Variants in TBC1D9 observed in about 807,000 individuals in gnomAD.
The protein encoded by TBC1D9 is TBC1 domain family member 9A.
A neutral mutation model predicts 132.0 loss-of-function variants in TBC1D9; 63 were observed. The observed-to-expected ratio is 0.48, with a 90% confidence interval of 0.39 to 0.59. The LOEUF (loss-of-function observed/expected upper bound fraction) is 0.59. Among genes scored for constraint, TBC1D9 ranks in the 20% least tolerant of loss-of-function variants. TBC1D9 has a pLI of 0.00. For synonymous variants in TBC1D9, 610 were observed against 609.9 expected (o/e 1.00, Z 0.00); for missense variants, 1,261 against 1,592.7 (o/e 0.79, Z 3.54).
intron 1 of TBC1D9, among the ~76,000 whole-genome samples, chr4:140,717,460 C>A (rs1043210092): frequency 6.6e-6 from 1 of 152,178 alleles, no homozygotes; most frequent in East Asian, 1.9e-4. Context: ...GGCTAATTCA[C>A]CATGCATAAT....
rs915590380 is a variant in TBC1D9, at chr4:140,699,266, T to C, written c.241+2238A>G. 6.0e-4 allele frequency among the ~76,000 whole-genome samples: 92 copies of C among 152,156 alleles called. 1 individual carries two copies. Among genetic ancestry groups the C allele is most frequent in the Non-Finnish European group, 1.9e-4 (13 of 68,030 alleles). On this transcript the variant is annotated intron_variant, in intron 2 of 20. Transcript: ENST00000442267. ...ATTTACTGTGCAAGAGAATTCTCCA[T>C]AAATTATGTCAATAGTCTACCCTAA...
At chr4:140,728,616 C>T (rs370433519) in intron 1 of TBC1D9, among the ~76,000 whole-genome samples, 4 of 151,892 alleles carry the variant, frequency 2.6e-5, no homozygotes, top group Non-Finnish European at 1.5e-5. Flanking sequence ...GCCTCAGCCT[C>T]GCGAGTAGCT....
At chr4:140,641,339 C>G (rs140283955) in intron 13 of TBC1D9, among the ~76,000 whole-genome samples, 1 of 152,132 alleles carries the variant, frequency 6.6e-6, no homozygotes, top group Admixed American at 6.5e-5. Flanking sequence ...AAAAAGAGTG[C>G]CTTTGTGAGC....
intron 2 of TBC1D9, among the ~76,000 whole-genome samples, chr4:140,700,252 C>G (rs1738044229): frequency 6.6e-6 from 1 of 151,916 alleles, no homozygotes; most frequent in Non-Finnish European, 1.5e-5. Context: ...GAGTTCAAGA[C>G]CAGCCTGACC....
rs11932282 is a variant in TBC1D9, at chr4:140,669,160, C to T, written c.1438-93G>A. On this transcript the variant is annotated intron_variant, in intron 8 of 20. Coordinates refer to ENST00000442267, the MANE Select transcript of TBC1D9 (RefSeq NM_015130.3). ...AGGTCAGAACATGTTCCCTGCTGAA[C>T]GGAGTGACAATTCCAGAAAGAAGTC... 3.3e-3 allele frequency: 4,171 copies of T among 1,257,868 alleles called. 108 individuals carry two copies. The African/African-American group carries it at 0.055, about 16-fold the overall frequency. 77.9% of individuals were successfully genotyped at this position (1,257,868 alleles called of 1,614,324 possible).
intron 18 of TBC1D9, among the ~76,000 whole-genome samples, chr4:140,625,433 C>T (rs1736690588): frequency 6.6e-6 from 1 of 152,150 alleles, no homozygotes; most frequent in African/African-American, 2.4e-5. Flanking sequence ...GTACAATGCC[C>T]TCAGTTTCCC....
chr4:140,622,556 G>A lies in TBC1D9; in HGVS notation c.3440C>T (p.Ser1147Phe). Residue 1147 changes from serine to phenylalanine, a missense_variant, in exon 21 of 21, where the codon TCC (serine) becomes TTC (phenylalanine). Physicochemically the swap from Ser to Phe is radical, Grantham distance 155 (BLOSUM62 -2). Transcript: ENST00000442267. ...DSSPRDNGAC[S>F]SMLISDDDTK... The stretch of plus-strand genomic sequence containing the variant: ...GTCGTCGTCAGAGATCAGCATGGAG[G>A]AGCAGGCCCCGTTGTCCCGGGGCGA... 6.2e-7 allele frequency: 1 copy of A among 1,614,064 alleles called. No homozygotes were observed. Among genetic ancestry groups the A allele is most frequent in the Non-Finnish European group, 8.5e-7 (1 of 1,179,910 alleles).
chr4:140,752,959 T>C (rs1013355130), intron 1 of TBC1D9, among the ~76,000 whole-genome samples: 1 of 152,186 alleles, frequency 6.6e-6, no homozygotes, highest in African/African-American at 2.4e-5. Context: ...ATGCATATTA[T>C]GTAAAGGTCC....
chr4:140,627,680 T>C (rs1442787961), intron 17 of TBC1D9, among the ~76,000 whole-genome samples, 153 bp from the exon 18 acceptor site: 1 of 152,158 alleles, frequency 6.6e-6, no homozygotes, highest in Non-Finnish European at 1.5e-5. Context: ...CTCTAAACCT[T>C]AGTGGAGGAG....
chr4:140,671,319 C>A (rs1056456185), intron 6 of TBC1D9, among the ~76,000 whole-genome samples: 3 of 152,142 alleles, frequency 2.0e-5, no homozygotes, highest in Non-Finnish European at 4.4e-5. Flanking sequence ...CCCTGCCATC[C>A]CACTCCACCA....
intron 9 of TBC1D9, among the ~76,000 whole-genome samples, chr4:140,668,503 C>T (rs1737482085): frequency 6.6e-6 from 1 of 152,132 alleles, no homozygotes; most frequent in East Asian, 1.9e-4. Flanking sequence ...TTATTTCTTT[C>T]CTCCCAATTC....
chr4:140,735,656 A>C (rs907608969), intron 1 of TBC1D9, among the ~76,000 whole-genome samples: 2 of 152,210 alleles, frequency 1.3e-5, no homozygotes, highest in Non-Finnish European at 2.9e-5. Flanking sequence ...GGCTGCAGTG[A>C]GCTATAATTG....
At chr4:140,720,848 T>C (rs1000799449) in intron 1 of TBC1D9, among the ~76,000 whole-genome samples, 5 of 152,238 alleles carry the variant, frequency 3.3e-5, no homozygotes, top group Non-Finnish European at 5.9e-5. Flanking sequence ...TTTCTGTTTG[T>C]TCTCTGGAAG....
At chr4:140,751,768 T>G (rs1227664911) in intron 1 of TBC1D9, among the ~76,000 whole-genome samples, 1 of 152,096 alleles carries the variant, frequency 6.6e-6, no homozygotes, top group Non-Finnish European at 1.5e-5. Context: ...GGTTGAAAAA[T>G]GGACAAGAGA....
rs575643144 is a variant in TBC1D9 at position 140,691,632 on chromosome 4, G to A, written c.242-5170C>T. 2.6e-5 allele frequency among the ~76,000 whole-genome samples: 4 copies of A among 152,340 alleles called. No homozygotes were observed. The East Asian group carries it at 7.7e-4, about 29-fold the overall frequency. ...AACAAAGAACCCTGATGTTGGGTAT[G>A]AGAATCCTTCAGGAAATGCAAGTTA... On this transcript the variant is annotated intron_variant, in intron 2 of 20. Coordinates refer to ENST00000442267, the MANE Select transcript of TBC1D9 (RefSeq NM_015130.3).
At position 140,686,475 on chromosome 4, in the gene TBC1D9, A is replaced by AAAT. The variant is rs1560885527; in HGVS notation, c.242-16_242-14dup. 1 of 1,485,690 alleles carries AAAT rather than the reference A, an allele frequency of 6.7e-7. No homozygotes were observed. Among genetic ancestry groups the AAAT allele is most frequent in the Admixed American group, 1.8e-5 (1 of 55,620 alleles). The allele number at this position is 1,485,690 out of a possible 1,614,324, so 92.0% of individuals were successfully genotyped here. ...TTCCTGGAACCACCTGTACAAATGA[A>AAAT]AATAATAATTCATGTCAGATTTCAT... On this transcript the variant is annotated splice_polypyrimidine_tract_variant and intron_variant, in intron 2 of 20. Coordinates refer to ENST00000442267, the MANE Select transcript of TBC1D9 (RefSeq NM_015130.3).
At position 140,639,381 on chromosome 4, in the gene TBC1D9, T is replaced by C; in HGVS notation, c.2385A>G (p.Lys795=). ...GCGTCTGGATCACTTTCAGTCTCTGTTTGAATCTCATCTGTTCAATCAAAT... is the reference window on the plus strand; with the variant it reads ...GCGTCTGGATCACTTTCAGTCTCTGCTTGAATCTCATCTGTTCAATCAAAT... ...RADLIEQMRF[K]QRLKVIQTLE... is the part of the protein sequence containing the mutation. The change falls in exon 14 of 21, where the codon AAA becomes AAG. Residue 795 remains lysine (K), a synonymous_variant. Coordinates refer to ENST00000442267, the MANE Select transcript of TBC1D9 (RefSeq NM_015130.3). The C allele has an allele frequency of 6.2e-7, 1 of 1,613,206 alleles. No individual in the cohort carries two copies. Among genetic ancestry groups the C allele is most frequent in the Non-Finnish European group, 8.5e-7 (1 of 1,179,580 alleles).
chr4:140,690,766 T>G (rs527865431), intron 2 of TBC1D9, among the ~76,000 whole-genome samples: 73 of 152,110 alleles, frequency 4.8e-4, no homozygotes, highest in Non-Finnish European at 8.8e-4. Flanking sequence ...GCAGGAACTC[T>G]AAAAGTAAAG....
At chr4:140,643,577 C>T (rs1737046687) in intron 13 of TBC1D9, 3 of 891,686 alleles carry the variant, frequency 3.4e-6, no homozygotes, top group Non-Finnish European at 3.4e-6. Context: ...GGGGCTCGCT[C>T]AGGGCCGCCT....
Sources: allele counts gnomAD v4.1 joint callset (sites outside exome capture counted in the v4.1 genomes callset), GRCh38; gene constraint gnomAD v4.1.1; transcripts MANE v1.5; gene names NCBI Gene and HGNC (gene_info 2026-07-23, HGNC 2026-07-21).